Variants in RALA observed in about 807,000 individuals in gnomAD.
RALA encodes ras-related protein Ral-A.
A neutral mutation model predicts 24.0 loss-of-function variants in RALA; 5 were observed. That is an observed-to-expected ratio of 0.21 (90% confidence interval 0.11 to 0.44). The LOEUF is 0.44. Among genes scored for constraint, RALA ranks in the 20% least tolerant of loss-of-function variants. The pLI is 0.99. For synonymous variants in RALA, 77 were observed against 83.8 expected (o/e 0.92, Z 0.44); for missense variants, 95 against 241.2 (o/e 0.39, Z 4.01).
Position 39,692,519 on chromosome 7 carries a change from G to A in RALA, c.323+1929G>A, listed in dbSNP as rs144266428. Among the ~76,000 whole-genome samples, 160 of 152,282 alleles carry A rather than the reference G, an allele frequency of 1.1e-3. 1 individual carries two copies. The highest frequency in any genetic ancestry group is 3.7e-3 in the African/African-American group (155 of 41,562). ...GCCTCTAAAACTGTATTTAAAGGGA[G>A]TATTATATTAAGCAAAATGTATATG... On this transcript the variant is annotated intron_variant, in intron 3 of 4. Transcript: ENST00000005257.
chr7:39,691,723 T>A (rs1288705881), intron 3 of RALA, among the ~76,000 whole-genome samples: 1 of 152,194 alleles, frequency 6.6e-6, no homozygotes, highest in Non-Finnish European at 1.5e-5. Context: ...AAGTATAGAT[T>A]TATTCATAAA....
intron 1 of RALA, among the ~76,000 whole-genome samples, chr7:39,682,250 T>A (rs1224178079): frequency 1.3e-5 from 2 of 152,210 alleles, no homozygotes; most frequent in Non-Finnish European, 2.9e-5. Context: ...TCAGTAAATG[T>A]TGGTTGTCCT....
chr7:39,703,168 A>G (rs1268546060), intron 4 of RALA: 2 of 152,218 alleles, frequency 1.3e-5, no homozygotes, highest in East Asian at 3.8e-4. Context: ...ACCTTCATCT[A>G]GTTTCCTTTT....
At chr7:39,669,070 C>T (rs1366100808) in intron 1 of RALA, among the ~76,000 whole-genome samples, 2 of 152,232 alleles carry the variant, frequency 1.3e-5, no homozygotes, top group Non-Finnish European at 2.9e-5. Context: ...ACCGAGATCG[C>T]ACCACTGCAC....
chr7:39,624,131 C>T (rs1266698909), intron 1 of RALA: 2 of 152,232 alleles, frequency 1.3e-5, no homozygotes, highest in Admixed American at 1.3e-4. Flanking sequence ...TCCACGGCGC[C>T]CAAGTTCCCG....
chr7:39,660,658 A>G (rs1341732441), intron 1 of RALA, among the ~76,000 whole-genome samples: 1 of 152,240 alleles, frequency 6.6e-6, no homozygotes, highest in Non-Finnish European at 1.5e-5. Context: ...TGAACAACAC[A>G]GGTTTGAACC....
At chr7:39,643,113 C>T (rs1562609446) in intron 1 of RALA, among the ~76,000 whole-genome samples, 2 of 152,156 alleles carry the variant, frequency 1.3e-5, no homozygotes, top group Admixed American at 6.5e-5. Context: ...ATCTAATCAT[C>T]CAGTAAAACC....
intron 1 of RALA, among the ~76,000 whole-genome samples, chr7:39,673,961 T>C (rs1182234282): frequency 6.6e-6 from 1 of 151,828 alleles, no homozygotes; most frequent in Non-Finnish European, 1.5e-5. Flanking sequence ...CCAGGCAACA[T>C]AGTGAGACCT....
intron 1 of RALA, among the ~76,000 whole-genome samples, chr7:39,684,372 A>T (rs986078264): frequency 2.0e-5 from 3 of 152,260 alleles, no homozygotes; most frequent in African/African-American, 7.2e-5. Context: ...GTCTCCAAGG[A>T]GGTATGTTAG....
chr7:39,649,293 C>G (rs892017141), intron 1 of RALA, among the ~76,000 whole-genome samples: 5 of 152,018 alleles, frequency 3.3e-5, no homozygotes, highest in African/African-American at 1.2e-4. Flanking sequence ...GAGATGAAAT[C>G]CAGAGATATA....
At chr7:39,705,497 G>C (rs991748605) in intron 4 of RALA, among the ~76,000 whole-genome samples, 1 of 152,006 alleles carries the variant, frequency 6.6e-6, no homozygotes, top group Non-Finnish European at 1.5e-5. Context: ...ATTTAACTTT[G>C]AATTGTTATA....
intron 1 of RALA, among the ~76,000 whole-genome samples, chr7:39,626,294 G>A (rs927191427): frequency 6.6e-6 from 1 of 152,212 alleles, no homozygotes; most frequent in African/African-American, 2.4e-5. Context: ...TGCAAGACAG[G>A]TAGTTTTCCC....
intron 1 of RALA, among the ~76,000 whole-genome samples, chr7:39,628,418 TTCTC>T (rs1325966529): frequency 6.9e-6 from 1 of 144,092 alleles, no homozygotes; most frequent in Non-Finnish European, 1.5e-5. Flanking sequence ...CACACATTCT[TTCTC>T]TCTCTTAAAG....
chr7:39,683,195 G>A (rs1426111268), intron 1 of RALA, among the ~76,000 whole-genome samples: 1 of 152,160 alleles, frequency 6.6e-6, no homozygotes, highest in African/African-American at 2.4e-5. Context: ...AAATTACCCA[G>A]TCTCAGATAC....
chr7:39,654,275 A>G (rs1583719336), intron 1 of RALA, among the ~76,000 whole-genome samples: 1 of 152,248 alleles, frequency 6.6e-6, no homozygotes. Context: ...TGGCTAAAAT[A>G]TGTATTTATA....
At chr7:39,658,846 T>C (rs903715683) in intron 1 of RALA, among the ~76,000 whole-genome samples, 1 of 151,922 alleles carries the variant, frequency 6.6e-6, no homozygotes, top group Non-Finnish European at 1.5e-5. Context: ...GCCTCCTGAG[T>C]AGCTGGAACT....
intron 1 of RALA, among the ~76,000 whole-genome samples, chr7:39,665,712 T>A (rs1489844208): frequency 6.6e-6 from 1 of 151,964 alleles, no homozygotes; most frequent in Non-Finnish European, 1.5e-5. Context: ...ATGATTTGGG[T>A]AGCTTTTCTG....
At chr7:39,698,438 A>G (rs1043334660) in intron 4 of RALA, among the ~76,000 whole-genome samples, 3 of 152,220 alleles carry the variant, frequency 2.0e-5, no homozygotes, top group Non-Finnish European at 4.4e-5. Flanking sequence ...TAAAGATGAA[A>G]TGAAATCACA....
chr7:39,668,975 A>C (rs925751658), intron 1 of RALA, among the ~76,000 whole-genome samples: 6 of 151,880 alleles, frequency 4.0e-5, no homozygotes, highest in Admixed American at 3.9e-4. Flanking sequence ...TTAGCTGGGC[A>C]TGGTGGCGGT....
Sources: gnomAD v4.1 joint callset for allele counts (sites outside exome capture counted in the v4.1 genomes callset) on GRCh38, gnomAD v4.1.1 for gene constraint, MANE v1.5 for transcripts, NCBI Gene and HGNC (gene_info 2026-07-23, HGNC 2026-07-21) for gene names.